The following KIF13B variants were observed in gnomAD, a reference collection of about 807,000 sequenced individuals.
The protein encoded by KIF13B is kinesin-like protein KIF13B.
Under a neutral mutation model 222.0 loss-of-function variants are expected in KIF13B, and 127 were observed. That is an observed-to-expected ratio of 0.57 (90% CI 0.50 to 0.66). The LOEUF (loss-of-function observed/expected upper bound fraction) is 0.66, where lower values mean the gene tolerates loss of function less well. KIF13B is among the 30% of genes least tolerant of loss of function. The probability of loss-of-function intolerance (pLI) is 0.00; values close to 1 mark genes in which losing one functional copy is unlikely to be tolerated. For synonymous variants in KIF13B, 976 were observed against 919.0 expected (o/e 1.06, Z -1.12); for missense variants, 2,173 against 2,379.0 (o/e 0.91, Z 1.80).
chr8:29,134,565 A>G (rs1810478240), intron 21 of KIF13B, among the ~76,000 whole-genome samples: 1 of 152,240 alleles, frequency 6.6e-6, no homozygotes, highest in Non-Finnish European at 1.5e-5. Context: ...AACTTGGCTA[A>G]CCATGGATAT....
chr8:29,174,359 A>G (rs1812390301), intron 10 of KIF13B, among the ~76,000 whole-genome samples: 1 of 152,234 alleles, frequency 6.6e-6, no homozygotes, highest in Non-Finnish European at 1.5e-5. Flanking sequence ...AATTACAGAA[A>G]AAAAACTACA....
At chr8:29,223,614 AGAT>A (rs1814868855) in intron 2 of KIF13B, among the ~76,000 whole-genome samples, 1 of 152,262 alleles carries the variant, frequency 6.6e-6, no homozygotes, top group African/African-American at 2.4e-5. Flanking sequence ...AAAACAAGCC[AGAT>A]GATAAAGATA....
At chr8:29,208,059 A>G (rs1814034044) in intron 2 of KIF13B, among the ~76,000 whole-genome samples, 1 of 152,226 alleles carries the variant, frequency 6.6e-6, no homozygotes, top group Non-Finnish European at 1.5e-5. Context: ...ACATTAGAAA[A>G]TCATGTATTT....
intron 14 of KIF13B, among the ~76,000 whole-genome samples, chr8:29,154,109 A>C (rs1422323720): frequency 6.6e-6 from 1 of 152,146 alleles, no homozygotes; most frequent in African/African-American, 2.4e-5. Flanking sequence ...CCAGAAGTTT[A>C]AGGCCAATCT....
intron 32 of KIF13B, 106 bp downstream of exon 32, chr8:29,113,357 A>T: frequency 1.6e-6 from 1 of 616,830 alleles, no homozygotes; most frequent in East Asian, 2.9e-5. Flanking sequence ...ACCTTCCCTA[A>T]ACATACACTT....
At chr8:29,093,245 C>T (rs553777781) in intron 36 of KIF13B, among the ~76,000 whole-genome samples, 1 of 152,250 alleles carries the variant, frequency 6.6e-6, no homozygotes, top group East Asian at 1.9e-4. Context: ...AGATGTATAG[C>T]TCTTTGTCTA....
At chr8:29,104,190 C>A (rs1303104457) in intron 35 of KIF13B, among the ~76,000 whole-genome samples, 3 of 152,072 alleles carry the variant, frequency 2.0e-5, no homozygotes, top group Non-Finnish European at 4.4e-5. Context: ...ACTGTCCCCA[C>A]TATCCCCTCG....
In KIF13B at chr8:29,071,986, CG is replaced by C; in HGVS notation, c.4851del (p.Ala1618ProfsTer11). 7.7e-7 allele frequency: 1 copy of C among 1,304,774 alleles called. No individual in the cohort carries two copies. Among genetic ancestry groups the C allele is most frequent in the Non-Finnish European group, 9.7e-7 (1 of 1,030,172 alleles). 80.8% of individuals were successfully genotyped at this position (1,304,774 alleles called of 1,614,324 possible). ...ISHPPPPTAV[P>X]AEEPPGPQQL... ...TGCTGGGGGCCAGGGGGCTCCTCGGCGGGGACGGCCGTGGGCGGTGGGGGGT... is the reference window on the plus strand; with the variant it reads ...TGCTGGGGGCCAGGGGGCTCCTCGGCGGGACGGCCGTGGGCGGTGGGGGGT... On this transcript the variant is annotated frameshift_variant, in exon 39 of 40. Transcript: ENST00000524189. LOFTEE classifies it high-confidence loss of function. The surrounding 1 kb of genome is among the most constrained non-coding windows in gnomAD (Gnocchi z 4.9).
At chr8:29,250,014 T>C (rs763462847) in intron 1 of KIF13B, 90 of 1,288,642 alleles carry the variant, frequency 7.0e-5, no homozygotes, top group Admixed American at 9.2e-5. Context: ...CAGAGGTCCA[T>C]GAGAGTTTCT....
intron 34 of KIF13B, 78 bp downstream of exon 34, chr8:29,109,356 G>T (rs548408040): frequency 1.2e-5 from 14 of 1,130,410 alleles, no homozygotes; most frequent in Non-Finnish European, 1.9e-5. Flanking sequence ...GGTTTGACGG[G>T]TGGAGAAGAG....
At chr8:29,206,507 G>A (rs1021863949) in intron 2 of KIF13B, among the ~76,000 whole-genome samples, 8 of 152,072 alleles carry the variant, frequency 5.3e-5, no homozygotes, top group African/African-American at 9.7e-5. Context: ...AAAGTTTCAC[G>A]ACTACCTATT....
At chr8:29,245,881 C>G (rs1815998708) in intron 1 of KIF13B, among the ~76,000 whole-genome samples, 1 of 152,232 alleles carries the variant, frequency 6.6e-6, no homozygotes, top group African/African-American at 2.4e-5. Context: ...TTTCTGTATA[C>G]CAGCAATGAA....
intron 2 of KIF13B, among the ~76,000 whole-genome samples, chr8:29,199,868 T>C (rs1216851583): frequency 6.6e-6 from 1 of 152,168 alleles, no homozygotes; most frequent in East Asian, 1.9e-4. Flanking sequence ...TAGAGTACAT[T>C]TACTCTATTT....
intron 37 of KIF13B, among the ~76,000 whole-genome samples, chr8:29,085,705 C>CTTTTTT (rs71222589): frequency 9.0e-4 from 44 of 48,762 alleles, no homozygotes; most frequent in African/African-American, 3.1e-3. Context: ...AAATACTCTT[C>CTTTTTT]TTTTTTTTTT....
chr8:29,186,149 A>G, intron 6 of KIF13B, 143 bp downstream of exon 6: 1 of 640,042 alleles, frequency 1.6e-6, no homozygotes, highest in East Asian at 2.7e-5. Flanking sequence ...TCAAGGCTGA[A>G]GTAAGCTATG....
At chr8:29,256,488 G>C (rs1816483462) in intron 1 of KIF13B, among the ~76,000 whole-genome samples, 1 of 152,124 alleles carries the variant, frequency 6.6e-6, no homozygotes, top group South Asian at 2.1e-4. Context: ...CAGTGCACTA[G>C]GTACATATAT....
intron 32 of KIF13B, 98 bp downstream of exon 32, chr8:29,113,365 C>G: frequency 1.5e-6 from 1 of 645,600 alleles, no homozygotes; most frequent in Non-Finnish European, 2.6e-6. Context: ...TAAACATACA[C>G]TTTCACTTCA....
At chr8:29,107,782 G>T (rs544993456) in intron 35 of KIF13B, among the ~76,000 whole-genome samples, 3 of 151,918 alleles carry the variant, frequency 2.0e-5, no homozygotes, top group African/African-American at 2.4e-5. Context: ...GGATGGTCTC[G>T]ATCTCCTGAC....
intron 12 of KIF13B, among the ~76,000 whole-genome samples, chr8:29,161,748 C>T (rs915486851): frequency 1.3e-5 from 2 of 148,184 alleles, no homozygotes; most frequent in African/African-American, 4.9e-5. Context: ...CAAACGTTCT[C>T]TGTGTTCTCG....
Sources: gnomAD v4.1 joint callset for allele counts (sites outside exome capture counted in the v4.1 genomes callset) on GRCh38, gnomAD v4.1.1 for gene constraint, Gnocchi (gnomAD v3.1) non-coding constraint, MANE v1.5 for transcripts, NCBI Gene and HGNC (gene_info 2026-07-23, HGNC 2026-07-21) for gene names.